The following FANCD2 variants were observed in gnomAD, a reference collection of about 807,000 sequenced individuals.
FANCD2 encodes the protein FA complementation group D2.
FANCD2 carries 131 observed loss-of-function variants against 192.3 expected under a neutral mutation model. The observed-to-expected ratio is 0.68, with a 90% confidence interval of 0.59 to 0.79. The LOEUF is 0.79. Among genes scored for constraint, FANCD2 ranks in the 30% least tolerant of loss-of-function variants. FANCD2 has a pLI of 0.00. For synonymous variants in FANCD2, 524 were observed against 612.5 expected, an observed-to-expected ratio of 0.86 and a Z score of 2.13; for missense variants, 1,508 against 1,701.6, an observed-to-expected ratio of 0.89 and a Z score of 2.00.
At chr3:10,075,221 C>T (rs1041033457) in intron 29 of FANCD2, among the ~76,000 whole-genome samples, 9 of 150,046 alleles carry the variant, frequency 6.0e-5, no homozygotes, top group Non-Finnish European at 1.3e-4. Flanking sequence ...CTCTCTCTGT[C>T]GCCCAGGCTG....
At position 10,088,912 on chromosome 3, in the gene FANCD2, T is replaced by G; in HGVS notation, c.3645T>G (p.Pro1215=). Residue 1215 remains proline, a synonymous_variant, in exon 36 of 44, where the codon CCT becomes CCG. Coordinates refer to ENST00000675286, the MANE Select transcript of FANCD2 (RefSeq NM_001018115.3). ...GTGTCCCAGAACTGATCAACTCTCC[T>G]AAAGATGCATCTTCCTCCACATTCC... ...GVGVPELINS[P]KDASSSTFPT... The G allele has an allele frequency of 6.2e-7, 1 of 1,614,108 alleles. No homozygotes were observed. The highest frequency in any genetic ancestry group is 8.5e-7 in the Non-Finnish European group (1 of 1,179,960).
At chr3:10,038,664 T>G (rs551831953) in intron 7 of FANCD2, among the ~76,000 whole-genome samples, 55 of 143,704 alleles carry the variant, frequency 3.8e-4, no homozygotes, top group Non-Finnish European at 7.7e-4. Flanking sequence ...CACTGCAACC[T>G]CCGCCTTCTG....
At chr3:10,039,635 T>G in intron 8 of FANCD2, 86 bp from the exon 9 acceptor site, 1 of 1,475,528 alleles carries the variant, frequency 6.8e-7, no homozygotes, top group Non-Finnish European at 9.4e-7. Context: ...ATTTCTCAAA[T>G]AATTTCAGCT....
intron 26 of FANCD2, among the ~76,000 whole-genome samples, chr3:10,069,849 A>G (rs1310737520): frequency 1.3e-5 from 2 of 151,908 alleles, no homozygotes; most frequent in Non-Finnish European, 2.9e-5. Flanking sequence ...TGGCCTCCCA[A>G]AGTGCCGAGA....
intron 17 of FANCD2, among the ~76,000 whole-genome samples, chr3:10,051,717 A>G (rs1386454023): frequency 6.6e-6 from 1 of 152,162 alleles, no homozygotes; most frequent in African/African-American, 2.4e-5. Flanking sequence ...TTCAATAGAG[A>G]GGAAGAAATG....
chr3:10,039,734 A>ATG lies in FANCD2; in HGVS notation c.584_585insTG (p.Lys195AsnfsTer6). 1 of 1,614,160 alleles carries ATG rather than the reference A, an allele frequency of 6.2e-7. No individual in the cohort carries two copies. The highest frequency in any genetic ancestry group is 8.5e-7 in the Non-Finnish European group (1 of 1,180,026). On this transcript the variant is annotated frameshift_variant, in exon 9 of 44. Transcript: ENST00000675286. LOFTEE classifies it high-confidence loss of function. ...CTTCTACTGCAGGACCTCACCACCA[A>ATG]GATCATGCAGCTGATCAGTATTGCT...
chr3:10,027,794 A>G (rs2086490609), intron 1 of FANCD2, among the ~76,000 whole-genome samples: 2 of 150,510 alleles, frequency 1.3e-5, no homozygotes. Flanking sequence ...AGTCCCAGCT[A>G]CTTGGGAAGC....
chr3:10,088,595 A>G (rs1694382715), intron 35 of FANCD2, 53 bp downstream of exon 35: 7 of 1,311,890 alleles, frequency 5.3e-6, no homozygotes, highest in South Asian at 1.2e-5. Flanking sequence ...CTATTTTGCT[A>G]CTGTTGTTTG....
intron 43 of FANCD2, 122 bp from the exon 44 acceptor site, chr3:10,101,064 TTA>T: frequency 1.0e-5 from 7 of 701,900 alleles, no homozygotes; most frequent in South Asian, 1.6e-5. Flanking sequence ...CAAGACTCCT[TTA>T]AAAAAAAAAA....
intron 20 of FANCD2, 120 bp downstream of exon 20, chr3:10,062,331 C>T: frequency 1.3e-6 from 1 of 761,964 alleles, no homozygotes; most frequent in East Asian, 2.8e-5. Flanking sequence ...ACCTCCACCT[C>T]TCAGGTTCAA....
chr3:10,092,165 T>C lies in FANCD2; in HGVS notation c.3778-16T>C, dbSNP rs767539823. The C allele has an allele frequency of 6.2e-7, 1 of 1,604,414 alleles. No individual in the cohort carries two copies. ...TGGCTGTGACTCAGAGGTGCCCATATATTTGGCTGCCCCAGATTCATGAAG... is the reference window on the plus strand; with the variant it reads ...TGGCTGTGACTCAGAGGTGCCCATACATTTGGCTGCCCCAGATTCATGAAG... On this transcript the variant is annotated splice_polypyrimidine_tract_variant and intron_variant, in intron 37 of 43. Coordinates refer to ENST00000675286, the MANE Select transcript of FANCD2 (RefSeq NM_001018115.3).
At chr3:10,043,200 T>C in intron 12 of FANCD2, 50 bp downstream of exon 12, 1 of 1,381,246 alleles carries the variant, frequency 7.2e-7, no homozygotes, top group Non-Finnish European at 1.0e-6. Context: ...GACATCCCAC[T>C]GTCAGAGTTA....
At chr3:10,056,357 A>G (rs759874296) in intron 18 of FANCD2, among the ~76,000 whole-genome samples, 4 of 152,172 alleles carry the variant, frequency 2.6e-5, no homozygotes, top group Non-Finnish European at 5.9e-5. Context: ...TTGCTGGATC[A>G]TATGATGACC....
Position 10,092,165 on chromosome 3 carries a change from T to A in FANCD2, c.3778-16T>A, listed in dbSNP as rs767539823. 6.2e-7 allele frequency: 1 copy of A among 1,604,414 alleles called. No individual in the cohort carries two copies. The highest frequency in any genetic ancestry group is 2.2e-5 in the East Asian group (1 of 44,818). ...TGGCTGTGACTCAGAGGTGCCCATATATTTGGCTGCCCCAGATTCATGAAG... is the reference window on the plus strand; with the variant it reads ...TGGCTGTGACTCAGAGGTGCCCATAAATTTGGCTGCCCCAGATTCATGAAG... On this transcript the variant is annotated splice_polypyrimidine_tract_variant and intron_variant, in intron 37 of 43. Coordinates refer to ENST00000675286, the MANE Select transcript of FANCD2 (RefSeq NM_001018115.3).
chr3:10,099,919 G>A (rs1307310877), intron 43 of FANCD2, among the ~76,000 whole-genome samples: 1 of 152,212 alleles, frequency 6.6e-6, no homozygotes, highest in Admixed American at 6.5e-5. Context: ...AGTCTGGCCT[G>A]ATGGGGTGGC....
At chr3:10,068,858 A>T (rs1376518873) in intron 26 of FANCD2, among the ~76,000 whole-genome samples, 8 of 152,218 alleles carry the variant, frequency 5.3e-5, no homozygotes, top group Non-Finnish European at 8.8e-5. Context: ...CAATGAACTC[A>T]TTCTCAGCAA....
chr3:10,099,128 AAGT>A, intron 43 of FANCD2: 1 of 1,482,618 alleles, frequency 6.7e-7, no homozygotes, highest in South Asian at 1.4e-5. Context: ...GAAGTCATCG[AAGT>A]ATTTTCTGAG....
chr3:10,085,328 C>T (rs960415764), intron 32 of FANCD2, among the ~76,000 whole-genome samples: 1 of 151,578 alleles, frequency 6.6e-6, no homozygotes, highest in Admixed American at 6.6e-5. Context: ...TACTCTGATA[C>T]TTAGAGCTGT....
chr3:10,033,698 CTTTTTTTTTT>C lies in FANCD2; in HGVS notation c.205+737_205+746del, dbSNP rs34115008. Reference sequence around the variant, plus strand: ...TGGCTATCTGCTATCAAAGCTAAGTCTTTTTTTTTTTTTTTTTTTTGAGACGGAGTCTTGC... The same window carrying C: ...TGGCTATCTGCTATCAAAGCTAAGTCTTTTTTTTTTGAGACGGAGTCTTGC... On this transcript the variant is annotated intron_variant, in intron 3 of 43. Coordinates refer to ENST00000675286, the MANE Select transcript of FANCD2 (RefSeq NM_001018115.3). Among the ~76,000 whole-genome samples the C allele has an allele frequency of 1.2e-3, 103 of 89,378 alleles. 4 individuals are homozygous for C. The highest frequency in any genetic ancestry group is 6.3e-4 in the Admixed American group (4 of 6,318). 58.6% of individuals were successfully genotyped at this position (89,378 alleles called of 152,430 possible). A position where few individuals can be genotyped will look rare whatever the true frequency, so the allele number is the denominator to read the frequency against.
Sources: gnomAD v4.1 joint callset for allele counts (sites outside exome capture counted in the v4.1 genomes callset) on GRCh38, gnomAD v4.1.1 for gene constraint, MANE v1.5 for transcripts, NCBI Gene and HGNC (gene_info 2026-07-23, HGNC 2026-07-21) for gene names.